Variants in PDCD4 observed in about 807,000 individuals in gnomAD.
PDCD4 encodes programmed cell death 4.
In PDCD4, 56 loss-of-function variants were observed where a neutral mutation model predicts 54.0. The ratio of observed to expected loss-of-function variants is 1.04; its 90% CI spans 0.84 to 1.30. PDCD4 has a LOEUF of 1.30. PDCD4 is among the 50% of genes most tolerant of loss of function. PDCD4 has a pLI of 0.00. For missense variants in PDCD4, 584 were observed against 559.8 expected (o/e 1.04, Z -0.44); for synonymous variants, 186 against 194.8 (o/e 0.95, Z 0.37).
At chr10:110,880,578 A>G (rs868519813) in intron 2 of PDCD4, 2 of 152,286 alleles carry the variant, frequency 1.3e-5, no homozygotes, top group South Asian at 2.1e-4. Flanking sequence ...GCAGTAAAGC[A>G]TCAGCAGTTC....
chr10:110,880,324 G>A (rs1038957442), intron 2 of PDCD4: 4 of 152,220 alleles, frequency 2.6e-5, no homozygotes, highest in African/African-American at 9.7e-5. Flanking sequence ...TGTACCTAGA[G>A]TTGTAAGGGA....
At chr10:110,876,717 A>G (rs745376093) in intron 2 of PDCD4, 1 of 1,322,048 alleles carries the variant, frequency 7.6e-7, no homozygotes, top group Non-Finnish European at 1.0e-6. Context: ...TGTTATTATC[A>G]TAAAAATGAA....
At chr10:110,890,703 A>C in intron 8 of PDCD4, 33 bp downstream of exon 8, 1 of 1,365,514 alleles carries the variant, frequency 7.3e-7, no homozygotes, top group Non-Finnish European at 1.0e-6. Context: ...AACTTAATTT[A>C]TATGTATTCC....
At chr10:110,891,214 G>A (rs543101108) in intron 8 of PDCD4, among the ~76,000 whole-genome samples, 2 of 152,040 alleles carry the variant, frequency 1.3e-5, no homozygotes, top group South Asian at 4.2e-4. Flanking sequence ...AGACCAGCCT[G>A]GTCAACATGG....
intron 2 of PDCD4, among the ~76,000 whole-genome samples, chr10:110,879,575 C>T (rs1845558770): frequency 6.6e-6 from 1 of 151,804 alleles, no homozygotes. Flanking sequence ...ATGGCGTGAA[C>T]CCGGGAGGCA....
At chr10:110,872,923 C>T (rs1845443548) in intron 1 of PDCD4, among the ~76,000 whole-genome samples, 2 of 152,152 alleles carry the variant, frequency 1.3e-5, no homozygotes, top group Non-Finnish European at 2.9e-5. Context: ...GAACTCGCTA[C>T]GTAGCCAGCA....
In PDCD4 at chr10:110,894,107, A is replaced by G; in HGVS notation, c.1007A>G (p.Lys336Arg). 2 of 1,600,784 alleles carry G rather than the reference A, an allele frequency of 1.2e-6. No homozygotes were observed. The highest frequency in any genetic ancestry group is 1.7e-6 in the Non-Finnish European group (2 of 1,168,748). ...ATCTAATAGATTGATATGCTGCTGA[A>G]AGAATATTTACTCTCTGGAGACATA... ...HLVKEIDMLL[K>R]EYLLSGDISE... The change falls in exon 9 of 12, where the codon AAA (lysine) becomes AGA (arginine). Residue 336 changes from lysine to arginine, a missense_variant. Physicochemically the swap from Lys to Arg is conservative, Grantham distance 26. Coordinates refer to ENST00000280154, the MANE Select transcript of PDCD4 (RefSeq NM_014456.5).
intron 8 of PDCD4, among the ~76,000 whole-genome samples, chr10:110,891,255 T>G (rs1845751411): frequency 6.6e-6 from 1 of 151,544 alleles, no homozygotes; most frequent in South Asian, 2.1e-4. Context: ...AAATACATAA[T>G]AATTAGCCAG....
In PDCD4 at chr10:110,895,760, A is replaced by T. The variant is rs574191847; in HGVS notation, c.1210-188A>T. Among the ~76,000 whole-genome samples, 3 of 152,308 alleles carry T rather than the reference A, an allele frequency of 2.0e-5. No homozygotes were observed. The East Asian group carries it at 5.8e-4, about 29-fold the overall frequency. On this transcript the variant is annotated intron_variant, in intron 10 of 11. Coordinates refer to ENST00000280154, the MANE Select transcript of PDCD4 (RefSeq NM_014456.5). ...ATGTCTGTTATTTCCTGACTCTAAT[A>T]AAAGAGAACAGTTGTAAAACACTGT...
chr10:110,882,899 A>T (rs1361080021), intron 3 of PDCD4, 104 bp from the exon 4 acceptor site: 1 of 740,812 alleles, frequency 1.3e-6, no homozygotes, highest in Non-Finnish European at 2.3e-6. Flanking sequence ...CACGTTAAAT[A>T]CAATTTTTTT....
chr10:110,874,307 C>T (rs11195361), intron 1 of PDCD4, among the ~76,000 whole-genome samples: 1 of 152,110 alleles, frequency 6.6e-6, no homozygotes, highest in Non-Finnish European at 1.5e-5. Flanking sequence ...AAAGTATTCT[C>T]TCAAAAGTTA....
chr10:110,890,546 T>C lies in PDCD4; in HGVS notation c.876-10T>C. 1 of 1,566,308 alleles carries C rather than the reference T, an allele frequency of 6.4e-7. No homozygotes were observed. Among genetic ancestry groups the C allele is most frequent in the Non-Finnish European group, 8.7e-7 (1 of 1,148,322 alleles). On this transcript the variant is annotated splice_polypyrimidine_tract_variant and intron_variant, in intron 7 of 11. Coordinates refer to ENST00000280154, the MANE Select transcript of PDCD4 (RefSeq NM_014456.5). ...AGCTATCAAACTTAAATTTTTTTCT[T>C]TCTCTGTAGAGCTGCTCTGGATAAG...
At chr10:110,880,937 C>T (rs898000913) in intron 2 of PDCD4, among the ~76,000 whole-genome samples, 2 of 152,146 alleles carry the variant, frequency 1.3e-5, no homozygotes, top group Non-Finnish European at 2.9e-5. Flanking sequence ...ATGATCTAAA[C>T]GTGAAATAAC....
At chr10:110,896,639 A>G (rs539327180) in intron 11 of PDCD4, among the ~76,000 whole-genome samples, 4 of 152,138 alleles carry the variant, frequency 2.6e-5, no homozygotes, top group African/African-American at 9.6e-5. Flanking sequence ...GGAGCTATTA[A>G]TATTTTTGCT....
At chr10:110,890,842 T>C (rs1845744195) in intron 8 of PDCD4, 172 bp downstream of exon 8, 2 of 398,584 alleles carry the variant, frequency 5.0e-6, no homozygotes, top group Non-Finnish European at 8.9e-6. Context: ...TTATTATAAA[T>C]TATATGATTA....
rs752414435 is a variant in PDCD4 at position 110,890,611 on chromosome 10, A to G, written c.931A>G (p.Lys311Glu). 5 of 1,613,712 alleles carry G rather than the reference A, an allele frequency of 3.1e-6. No individual in the cohort carries two copies. The highest frequency in any genetic ancestry group is 3.4e-6 in the Non-Finnish European group (4 of 1,179,728). Residue 311 changes from lysine (K) to glutamate (E), a missense_variant, in exon 8 of 12, where the codon AAA becomes GAA. Lys to Glu is a moderately conservative substitution (Grantham distance 56). Coordinates refer to ENST00000280154, the MANE Select transcript of PDCD4 (RefSeq NM_014456.5). ...LLSMSKGGKR[K>E]DSVWGSGGGQ... is the part of the protein sequence containing the mutation. ...GAGTATGTCTAAAGGTGGAAAGCGT[A>G]AAGATAGTGTGTGGGGCTCTGGAGG...
intron 2 of PDCD4, among the ~76,000 whole-genome samples, chr10:110,878,212 T>A (rs985095412): frequency 6.6e-6 from 1 of 152,150 alleles, no homozygotes; most frequent in African/African-American, 2.4e-5. Flanking sequence ...TAACAAAATA[T>A]AAAGCAATTA....
At chr10:110,886,293 G>A (rs921876921) in intron 5 of PDCD4, among the ~76,000 whole-genome samples, 4 of 152,192 alleles carry the variant, frequency 2.6e-5, no homozygotes, top group Admixed American at 6.5e-5. Context: ...CTATGTATCT[G>A]TTAACTGAGT....
At chr10:110,889,410 CCAG>C in intron 6 of PDCD4, 120 bp from the exon 7 acceptor site, 3 of 673,920 alleles carry the variant, frequency 4.5e-6, no homozygotes, top group Non-Finnish European at 7.8e-6. Flanking sequence ...AAAAAAAATT[CCAG>C]CATCTTTTAG....
Sources: gnomAD v4.1 joint callset for allele counts (sites outside exome capture counted in the v4.1 genomes callset) on GRCh38, gnomAD v4.1.1 for gene constraint, MANE v1.5 for transcripts, NCBI Gene and HGNC (gene_info 2026-07-23, HGNC 2026-07-21) for gene names.